The following NSD1 variants were observed in gnomAD, a reference collection of about 807,000 sequenced individuals.
The protein encoded by NSD1 is histone-lysine N-methyltransferase, H3 lysine-36 specific.
Under a neutral mutation model 242.7 loss-of-function variants are expected in NSD1, and 26 were observed. The ratio of observed to expected loss-of-function variants is 0.11; its 90% CI spans 0.08 to 0.15. NSD1 has a LOEUF of 0.15. NSD1 is among the 10% of genes least tolerant of loss of function. The pLI is 1.00. For missense variants in NSD1, 2,495 were observed against 3,272.8 expected (o/e 0.76, Z 5.80); for synonymous variants, 1,106 against 1,178.1 (o/e 0.94, Z 1.25).
rs2149757029 is a variant in NSD1 at position 177,135,953 on chromosome 5, TCCAGTA to T, written c.858_863del (p.Ser287_Thr288del). 6.2e-7 allele frequency: 1 copy of T among 1,614,058 alleles called. No individual in the cohort carries two copies. Among genetic ancestry groups the T allele is most frequent in the Non-Finnish European group, 8.5e-7 (1 of 1,179,938 alleles). On this transcript the variant is annotated inframe_deletion, in exon 2 of 23. Coordinates refer to ENST00000439151, the MANE Select transcript of NSD1 (RefSeq NM_022455.5). ...TTTATCTTTTCAGGATGATCCAGAT[TCCAGTA>T]CCAGTACATTAGGAAACATGCTAGA...
chr5:177,206,808 T>C (rs988768166), intron 4 of NSD1, among the ~76,000 whole-genome samples: 1 of 151,956 alleles, frequency 6.6e-6, no homozygotes, highest in African/African-American at 2.4e-5. Flanking sequence ...GGAAAATTGA[T>C]TTACTCTGGT....
chr5:177,265,174 A>T, intron 14 of NSD1: 1 of 769,062 alleles, frequency 1.3e-6, no homozygotes. Flanking sequence ...AGAGAAGCAT[A>T]CTTTGTGAGA....
At chr5:177,281,878 C>T (rs562659020) in intron 18 of NSD1, among the ~76,000 whole-genome samples, 1 of 152,222 alleles carries the variant, frequency 6.6e-6, no homozygotes, top group East Asian at 1.9e-4. Flanking sequence ...GACTTAAACT[C>T]CTGGGCTCAA....
At chr5:177,158,314 T>C (rs1049725712) in intron 2 of NSD1, among the ~76,000 whole-genome samples, 9 of 148,998 alleles carry the variant, frequency 6.0e-5, no homozygotes, top group African/African-American at 2.3e-4. Context: ...TTCTTTCTTT[T>C]CTTTCTTTTC....
At chr5:177,266,174 T>C in intron 14 of NSD1, 1 of 1,066,326 alleles carries the variant, frequency 9.4e-7, no homozygotes, top group Non-Finnish European at 1.5e-6. Context: ...GTGTTGAGCA[T>C]GGACTCGTAG....
chr5:177,156,390 A>C, intron 2 of NSD1, among the ~76,000 whole-genome samples: 1 of 152,110 alleles, frequency 6.6e-6, no homozygotes, highest in South Asian at 2.1e-4. Flanking sequence ...CATGTTGGCC[A>C]GGATGGTCTC....
rs1009503784 is a variant in NSD1 at position 177,297,639 on chromosome 5, C to G, written c.*2180C>G. 7.1e-5 allele frequency: 14 copies of G among 197,978 alleles called. No individual in the cohort carries two copies. Among genetic ancestry groups the G allele is most frequent in the Non-Finnish European group, 1.3e-4 (14 of 111,902 alleles). 12.3% of individuals were successfully genotyped at this position (197,978 alleles called of 1,614,324 possible). On this transcript the variant is annotated 3_prime_UTR_variant, in exon 23 of 23. Transcript: ENST00000439151. ...GTTAAATTACCGTAGCTCTTTGTTT[C>G]ATGAAATAAACTGTGAATTTGGGGG...
chr5:177,275,915 A>G (rs1024488399), intron 17 of NSD1, among the ~76,000 whole-genome samples: 3 of 152,170 alleles, frequency 2.0e-5, no homozygotes, highest in East Asian at 3.8e-4. Flanking sequence ...AGACAGAATC[A>G]GTTTTGTTCT....
chr5:177,236,546 A>G (rs1420811675), intron 6 of NSD1, among the ~76,000 whole-genome samples: 1 of 152,176 alleles, frequency 6.6e-6, no homozygotes, highest in Non-Finnish European at 1.5e-5. Context: ...ATGGTTCTCA[A>G]ATCACTTTGA....
chr5:177,200,484 A>G (rs1426069707), intron 3 of NSD1, among the ~76,000 whole-genome samples: 4 of 152,076 alleles, frequency 2.6e-5, no homozygotes. Flanking sequence ...TAAGTATATT[A>G]ACATTGTTGT....
At chr5:177,150,318 A>G (rs1426832895) in intron 2 of NSD1, among the ~76,000 whole-genome samples, 1 of 151,864 alleles carries the variant, frequency 6.6e-6, no homozygotes. Context: ...TTTTGTAGAG[A>G]CAGGTTTTCA....
intron 2 of NSD1, among the ~76,000 whole-genome samples, chr5:177,187,564 TTC>T (rs1373041760): frequency 2.0e-5 from 3 of 152,252 alleles, no homozygotes; most frequent in East Asian, 1.9e-4. Flanking sequence ...ACAGCAGAAA[TTC>T]TCTCTCAGTT....
chr5:177,289,146 C>T (rs900788519), intron 21 of NSD1, among the ~76,000 whole-genome samples: 14 of 151,986 alleles, frequency 9.2e-5, no homozygotes, highest in African/African-American at 3.4e-4. Context: ...ATGATGAAAC[C>T]CCATCTCTAA....
At chr5:177,139,335 G>T (rs562357814) in intron 2 of NSD1, among the ~76,000 whole-genome samples, 1 of 146,030 alleles carries the variant, frequency 6.8e-6, no homozygotes, top group Non-Finnish European at 1.5e-5. Context: ...GTGGTGGCAG[G>T]CTCGGGAGGT....
chr5:177,263,838 C>T (rs548934615), intron 14 of NSD1, among the ~76,000 whole-genome samples: 12 of 151,994 alleles, frequency 7.9e-5, no homozygotes, highest in African/African-American at 2.9e-4. Context: ...AAAAGAACTG[C>T]AAAATAATGG....
chr5:177,159,342 T>C (rs1195469539), intron 2 of NSD1, among the ~76,000 whole-genome samples: 5 of 151,572 alleles, frequency 3.3e-5, no homozygotes, highest in Non-Finnish European at 7.4e-5. Context: ...TGGAGTGCGG[T>C]GGCAGTATCT....
intron 14 of NSD1, chr5:177,266,345 C>A: frequency 1.4e-6 from 1 of 708,922 alleles, no homozygotes. Flanking sequence ...ACACTCGATG[C>A]CGATGACCTT....
In NSD1 at chr5:177,134,739, C is replaced by T. The variant is rs1756164170; in HGVS notation, c.-17-348C>T. ...CTTTTGCTTTTGAGAGATCCAGCTG[C>T]TCGACCCCTGGCGAGGGAGGGGGAG... On this transcript the variant is annotated intron_variant, in intron 1 of 22. Coordinates refer to ENST00000439151, the MANE Select transcript of NSD1 (RefSeq NM_022455.5). This position sits in a 1 kb window ranked among gnomAD's most constrained non-coding sequence, Gnocchi z 4.2. 6.6e-6 allele frequency among the ~76,000 whole-genome samples: 1 copy of T among 152,212 alleles called. No homozygotes were observed. Among genetic ancestry groups the T allele is most frequent in the Non-Finnish European group, 1.5e-5 (1 of 68,040 alleles).
chr5:177,207,768 G>A (rs73347618), intron 4 of NSD1, among the ~76,000 whole-genome samples: 13,532 of 150,480 alleles, frequency 0.09, 1,989 homozygotes, highest in African/African-American at 0.31. Context: ...TTTGAGACAG[G>A]ATCGTGCTCT....
Sources: gnomAD v4.1 joint callset for allele counts (sites outside exome capture counted in the v4.1 genomes callset) on GRCh38, gnomAD v4.1.1 for gene constraint, Gnocchi (gnomAD v3.1) non-coding constraint, MANE v1.5 for transcripts, NCBI Gene and HGNC (gene_info 2026-07-23, HGNC 2026-07-21) for gene names.